PTBP3: variants seen among roughly 807,000 people sequenced by gnomAD.
PTBP3 encodes the protein polypyrimidine tract-binding protein 3.
PTBP3 carries 20 observed loss-of-function variants against 58.7 expected under a neutral mutation model. The ratio of observed to expected loss-of-function variants is 0.34; its 90% confidence interval spans 0.24 to 0.50. The LOEUF (loss-of-function observed/expected upper bound fraction) is 0.50. Ranked by LOEUF, PTBP3 falls within the 20% of genes least tolerant of loss-of-function variation. PTBP3 has a pLI of 0.98. For missense variants in PTBP3, 509 were observed against 637.2 expected, an observed-to-expected ratio of 0.80 and a Z score of 2.17; for synonymous variants, 185 against 219.8, an observed-to-expected ratio of 0.84 and a Z score of 1.40.
chr9:112,262,492 C>G lies in PTBP3; in HGVS notation c.459G>C (p.Val153=), dbSNP rs778415557. The stretch of plus-strand genomic sequence containing the variant: ...AGAGGTTTTCAATAATTATTCGAAG[C>G]ACAGGGCTCTGCCCAGGTAGGACTG... ...EGTVLPGQSP[V]LRIIIENLFY... Residue 153 remains valine, a synonymous_variant, in exon 5 of 14, where the codon GTG becomes GTC. Coordinates refer to ENST00000374257, the MANE Select transcript of PTBP3 (RefSeq NM_001163788.4). 65 of 1,610,824 alleles carry G rather than the reference C, an allele frequency of 4.0e-5. No individual in the cohort carries two copies. Among genetic ancestry groups the G allele is most frequent in the Non-Finnish European group, 4.6e-5 (54 of 1,178,958 alleles).
At chr9:112,274,283 ATGC>A (rs1827513873) in intron 3 of PTBP3, among the ~76,000 whole-genome samples, 1 of 152,222 alleles carries the variant, frequency 6.6e-6, no homozygotes, top group South Asian at 2.1e-4. Context: ...TTCATGCCCA[ATGC>A]TTACTAATCT....
chr9:112,267,118 A>G (rs1312397510), intron 4 of PTBP3, among the ~76,000 whole-genome samples: 1 of 152,162 alleles, frequency 6.6e-6, no homozygotes, highest in African/African-American at 2.4e-5. Context: ...GAGCAAGAAT[A>G]CAGAGGCCAA....
chr9:112,299,523 A>C (rs1166835882), intron 1 of PTBP3, among the ~76,000 whole-genome samples: 2 of 152,228 alleles, frequency 1.3e-5, no homozygotes, highest in Admixed American at 6.5e-5. Context: ...GAAAAACAAA[A>C]CACTAGAAAT....
At chr9:112,348,821 A>AC in the PTBP3 span, among the ~76,000 whole-genome samples, 471 of 150,364 alleles carry the variant, frequency 3.1e-3, 5 homozygotes, top group African/African-American at 0.011. Context: ...TAACAATACC[A>AC]CCCCCCCTCC....
chr9:112,317,868 G>A (rs1346107555), intron 1 of PTBP3, among the ~76,000 whole-genome samples: 5 of 151,942 alleles, frequency 3.3e-5, no homozygotes, highest in African/African-American at 7.3e-5. Flanking sequence ...GCTTGAACCC[G>A]TGAGTCGGAG....
chr9:112,323,352 C>T (rs1830027555), intron 1 of PTBP3, among the ~76,000 whole-genome samples: 1 of 152,200 alleles, frequency 6.6e-6, no homozygotes, highest in African/African-American at 2.4e-5. Context: ...CCAATGCCAT[C>T]CCCCAGCTAG....
chr9:112,225,013 C>T (rs1834929246), intron 12 of PTBP3, among the ~76,000 whole-genome samples: 1 of 152,182 alleles, frequency 6.6e-6, no homozygotes, highest in Middle Eastern at 3.2e-3. Flanking sequence ...TCAGCCAAAG[C>T]CACCCAGCTA....
At chr9:112,266,340 T>A (rs1836798937) in intron 4 of PTBP3, among the ~76,000 whole-genome samples, 1 of 152,224 alleles carries the variant, frequency 6.6e-6, no homozygotes, top group Non-Finnish European at 1.5e-5. Context: ...TTTTACAAAT[T>A]ATCAAATAAA....
the PTBP3 span, among the ~76,000 whole-genome samples, chr9:112,354,258 T>C: frequency 6.6e-6 from 1 of 152,180 alleles, no homozygotes; most frequent in Non-Finnish European, 1.5e-5. Flanking sequence ...ACAAGGTCAG[T>C]GGTAAAGCTC....
At position 112,250,988 on chromosome 9, in the gene PTBP3, A is replaced by G. The variant is rs1422605270; in HGVS notation, c.743T>C (p.Leu248Ser). 2 of 1,612,514 alleles carry G rather than the reference A, an allele frequency of 1.2e-6. No homozygotes were observed. The highest frequency in any genetic ancestry group is 1.7e-6 in the Non-Finnish European group (2 of 1,179,190). ...CTGGCCATCACCAGTAGGAAGGTCT[A>G]AGCGAGTGAAGTCTCTGCTTTTGTC... ...NNDKSRDFTR[L>S]DLPTGDGQPS... is the part of the protein sequence containing the mutation. The change falls in exon 7 of 14, where the codon TTA becomes TCA. Residue 248 changes from leucine to serine, a missense_variant. Leu to Ser is a moderately radical substitution (Grantham distance 145, BLOSUM62 -2). This residue lies in a region of PTBP3 where 121 missense variants were observed against 114.8 expected (regional missense o/e 1.05). Coordinates refer to ENST00000374257, the MANE Select transcript of PTBP3 (RefSeq NM_001163788.4).
rs1835256035 is a variant in PTBP3 at position 112,232,013 on chromosome 9, AGAG to A, written c.1020+83_1020+85del. Reference sequence around the variant, plus strand: ...AGAGAAGAGAAGAGAAGAGAAGAGAAGAGAAGAAAAGAAAAGAAAGAAAGAAAA... The same window carrying A: ...AGAGAAGAGAAGAGAAGAGAAGAGAAAAGAAAAGAAAAGAAAGAAAGAAAA... On this transcript the variant is annotated intron_variant, in intron 9 of 13. Transcript: ENST00000374257. 1.5e-5 allele frequency: 9 copies of A among 580,678 alleles called. 1 individual carries two copies. The highest frequency in any genetic ancestry group is 1.9e-4 in the African/African-American group (2 of 10,808). The allele number at this position is 580,678 out of a possible 1,614,324, so 36.0% of individuals were successfully genotyped here. A position where few individuals can be genotyped will look rare whatever the true frequency, so the allele number is the denominator to read the frequency against.
In PTBP3 at chr9:112,252,792, G is replaced by C; in HGVS notation, c.517-4C>G. 6.7e-7 allele frequency: 1 copy of C among 1,503,072 alleles called. No homozygotes were observed. The highest frequency in any genetic ancestry group is 9.2e-7 in the Non-Finnish European group (1 of 1,081,924). The allele number at this position is 1,503,072 out of a possible 1,614,324, so 93.1% of individuals were successfully genotyped here. A position where few individuals can be genotyped will look rare whatever the true frequency, so the allele number is the denominator to read the frequency against. ...CTGTGCCAAATTTAGAAAATATCTG[G>C]AAAACAGTTCACATTAGGTTAAATG... On this transcript the variant is annotated splice_polypyrimidine_tract_variant and splice_region_variant and intron_variant, in intron 5 of 13. Transcript: ENST00000374257.
At chr9:112,295,408 T>G (rs1828633434) in intron 2 of PTBP3, among the ~76,000 whole-genome samples, 1 of 107,326 alleles carries the variant, frequency 9.3e-6, no homozygotes. Flanking sequence ...CCACAGGCAA[T>G]AAGATTGGAG....
At chr9:112,348,963 A>G in the PTBP3 span, among the ~76,000 whole-genome samples, 3 of 152,312 alleles carry the variant, frequency 2.0e-5, no homozygotes, top group South Asian at 6.2e-4. Flanking sequence ...ATCATTTAAA[A>G]TGGTGTTGTG....
downstream of PTBP3, chr9:112,218,418 A>G (rs1185203110): frequency 1.3e-5 from 2 of 152,610 alleles, no homozygotes; most frequent in African/African-American, 4.8e-5. Flanking sequence ...CAAAGTACAG[A>G]CAAGAACACA....
At position 112,220,105 on chromosome 9, in the gene PTBP3, G is replaced by C; in HGVS notation, c.*3746C>G. On this transcript the variant is annotated 3_prime_UTR_variant, in exon 14 of 14. Coordinates refer to ENST00000374257, the MANE Select transcript of PTBP3 (RefSeq NM_001163788.4). ...CGCATCGTCACGCTGTCTCTTTTTG[G>C]TTTTAAAAATAGCAGTACACATTAG... 1 of 1,236,412 alleles carries C rather than the reference G, an allele frequency of 8.1e-7. No homozygotes were observed. Among genetic ancestry groups the C allele is most frequent in the Non-Finnish European group, 1.0e-6 (1 of 961,964 alleles). The allele number at this position is 1,236,412 out of a possible 1,614,324, so 76.6% of individuals were successfully genotyped here.
At chr9:112,267,186 G>C (rs1250623751) in intron 4 of PTBP3, among the ~76,000 whole-genome samples, 1 of 65,170 alleles carries the variant, frequency 1.5e-5, no homozygotes. Context: ...TTTTTTTTTT[G>C]AGACAGAGTC....
At chr9:112,370,996 T>C in the PTBP3 span, among the ~76,000 whole-genome samples, 2 of 152,242 alleles carry the variant, frequency 1.3e-5, no homozygotes, top group African/African-American at 4.8e-5. Context: ...AATTCATTTA[T>C]TAGCTCTAGT....
chr9:112,340,640 T>C, the PTBP3 span, among the ~76,000 whole-genome samples: 6 of 152,154 alleles, frequency 3.9e-5, no homozygotes, highest in Non-Finnish European at 8.8e-5. Flanking sequence ...CCCAGCACTT[T>C]GGGAGGCTGA....
Sources: allele counts gnomAD v4.1 joint callset (sites outside exome capture counted in the v4.1 genomes callset), GRCh38; gene constraint gnomAD v4.1.1; regional missense constraint gnomAD v4.1.1; transcripts MANE v1.5; gene names NCBI Gene and HGNC (gene_info 2026-07-23, HGNC 2026-07-21).